Variants in ATP6V1H observed in about 807,000 individuals in gnomAD.
ATP6V1H encodes V-type proton ATPase subunit H.
ATP6V1H carries 39 observed loss-of-function variants against 71.7 expected under a neutral mutation model. The observed-to-expected ratio is 0.54, with a 90% CI of 0.42 to 0.71. ATP6V1H has a LOEUF of 0.71. ATP6V1H is among the 30% of genes least tolerant of loss of function. ATP6V1H has a pLI of 0.00. For synonymous variants in ATP6V1H, 192 were observed against 199.3 expected (o/e 0.96, Z 0.31); for missense variants, 509 against 594.9 (o/e 0.86, Z 1.50).
chr8:53,718,582 GT>G (rs1208288727), intron 13 of ATP6V1H, among the ~76,000 whole-genome samples: 1 of 151,992 alleles, frequency 6.6e-6, no homozygotes, highest in African/African-American at 2.4e-5. Flanking sequence ...TACAGACAGG[GT>G]TTCGTCATGT....
At position 53,727,487 on chromosome 8, in the gene ATP6V1H, A is replaced by G. The variant is rs549502648; in HGVS notation, c.1392-11463T>C. ...CCCATTCCATGTTTTGTCAGAGTCCATGGCAGCAGGTGGTTCTCAGCCTTT... is the reference window on the plus strand; with the variant it reads ...CCCATTCCATGTTTTGTCAGAGTCCGTGGCAGCAGGTGGTTCTCAGCCTTT... On this transcript the variant is annotated intron_variant, in intron 13 of 13. Transcript: ENST00000359530. 1.3e-4 allele frequency among the ~76,000 whole-genome samples: 20 copies of G among 152,290 alleles called. No individual in the cohort carries two copies. The East Asian group carries it at 3.9e-3, about 29-fold the overall frequency.
In ATP6V1H at chr8:53,833,048, T is replaced by C. The variant is rs762189829; in HGVS notation, c.152A>G (p.Gln51Arg). The C allele has an allele frequency of 1.7e-5, 28 of 1,613,800 alleles. No individual in the cohort carries two copies. The highest frequency in any genetic ancestry group is 2.3e-5 in the Non-Finnish European group (27 of 1,179,854). Residue 51 changes from glutamine to arginine, a missense_variant, in exon 3 of 14, where the codon CAG becomes CGG. By Grantham distance (43) the Gln-to-Arg change is conservative (BLOSUM62 1). Coordinates refer to ENST00000359530, the MANE Select transcript of ATP6V1H (RefSeq NM_015941.4). ...AGGGCTTCGTTTCATTTCAAACCTC[T>C]GAATAAACTCACAATCTTCAGCAGA... Reference protein sequence around the residue: ...MISAEDCEFIQRFEMKRSPEE... With the variant: ...MISAEDCEFIRRFEMKRSPEE...
At chr8:53,817,789 C>G (rs1401487705) in intron 4 of ATP6V1H, among the ~76,000 whole-genome samples, 1 of 152,038 alleles carries the variant, frequency 6.6e-6, no homozygotes, top group Non-Finnish European at 1.5e-5. Context: ...CACTTCTCGG[C>G]CTGCACCTCT....
chr8:53,739,285 T>G (rs2130167573), intron 13 of ATP6V1H, among the ~76,000 whole-genome samples: 1 of 152,360 alleles, frequency 6.6e-6, no homozygotes, highest in East Asian at 1.9e-4. Context: ...AGGTTTTTTT[T>G]TCTTTAGTTC....
At position 53,773,022 on chromosome 8, in the gene ATP6V1H, A is replaced by C. The variant is rs576416650; in HGVS notation, c.871-855T>G. The stretch of plus-strand genomic sequence containing the variant: ...TAATAATAAGGCTGAACAAATGCAA[A>C]AAGTGATTTAGCTTAGTATGTGGAA... On this transcript the variant is annotated intron_variant, in intron 9 of 13. Coordinates refer to ENST00000359530, the MANE Select transcript of ATP6V1H (RefSeq NM_015941.4). Among the ~76,000 whole-genome samples the C allele has an allele frequency of 3.3e-5, 5 of 152,268 alleles. No homozygotes were observed. In the South Asian group the frequency reaches 1.0e-3, roughly 32 times the overall value.
intron 9 of ATP6V1H, among the ~76,000 whole-genome samples, chr8:53,790,870 C>T (rs1809543900): frequency 1.3e-5 from 2 of 152,074 alleles, no homozygotes; most frequent in Admixed American, 1.3e-4. Context: ...AAGGGGGCTC[C>T]GTATGTGGGA....
chr8:53,795,006 C>T lies in ATP6V1H; in HGVS notation c.870+641G>A, dbSNP rs146106142. Among the ~76,000 whole-genome samples the T allele has an allele frequency of 2.2e-3, 337 of 152,120 alleles. 1 individual carries two copies. The highest frequency in any genetic ancestry group is 7.9e-3 in the African/African-American group (326 of 41,510). ...TTCAACCAAGCCATCCCATAGAAGC[C>T]CATCTAAAGTGACCAACAAAATTAT... is the stretch of plus-strand genomic sequence containing the variant. On this transcript the variant is annotated intron_variant, in intron 9 of 13. Transcript: ENST00000359530.
At chr8:53,812,895 A>G (rs1177227709) in intron 6 of ATP6V1H, among the ~76,000 whole-genome samples, 2 of 152,044 alleles carry the variant, frequency 1.3e-5, no homozygotes, top group Non-Finnish European at 2.9e-5. Context: ...GGGTTTTGCT[A>G]TGTTGCCCAG....
At chr8:53,795,548 CAAG>C (rs1227609653) in intron 9 of ATP6V1H, 96 bp downstream of exon 9, 3 of 1,059,710 alleles carry the variant, frequency 2.8e-6, no homozygotes, top group East Asian at 2.4e-5. Context: ...TTCATAACCA[CAAG>C]AAGAACAAGT....
chr8:53,768,171 C>T (rs543517953), intron 11 of ATP6V1H, among the ~76,000 whole-genome samples: 5 of 152,062 alleles, frequency 3.3e-5, no homozygotes, highest in Non-Finnish European at 7.4e-5. Context: ...GGCCAATAAG[C>T]ACATGAAAAG....
At chr8:53,729,663 G>C (rs1334234335) in intron 13 of ATP6V1H, among the ~76,000 whole-genome samples, 2 of 152,202 alleles carry the variant, frequency 1.3e-5, no homozygotes, top group Non-Finnish European at 2.9e-5. Flanking sequence ...CCTATCTGGG[G>C]ATATTACATT....
At chr8:53,757,799 T>C (rs1808127765) in intron 11 of ATP6V1H, among the ~76,000 whole-genome samples, 1 of 152,224 alleles carries the variant, frequency 6.6e-6, no homozygotes, top group South Asian at 2.1e-4. Flanking sequence ...CCTACTCCAC[T>C]GTTCTTCATA....
At chr8:53,822,448 T>C (rs1021290930) in intron 4 of ATP6V1H, among the ~76,000 whole-genome samples, 1 of 152,084 alleles carries the variant, frequency 6.6e-6, no homozygotes, top group African/African-American at 2.4e-5. Flanking sequence ...AAAAAAATAC[T>C]ATTAAAAATG....
At chr8:53,736,440 G>A (rs925847792) in intron 13 of ATP6V1H, among the ~76,000 whole-genome samples, 8 of 152,050 alleles carry the variant, frequency 5.3e-5, no homozygotes, top group Non-Finnish European at 7.4e-5. Flanking sequence ...TTCTTTCCCC[G>A]AACAGACGCC....
chr8:53,776,074 C>T (rs1289705652), intron 9 of ATP6V1H, among the ~76,000 whole-genome samples: 2 of 152,222 alleles, frequency 1.3e-5, no homozygotes, highest in Admixed American at 6.5e-5. Flanking sequence ...GGCAAGAAAT[C>T]GAGCGCAGCG....
intron 10 of ATP6V1H, 91 bp downstream of exon 10, chr8:53,771,898 G>A (rs1197424820): frequency 1.7e-6 from 2 of 1,155,312 alleles, no homozygotes; most frequent in Admixed American, 2.1e-5. Flanking sequence ...ATTTGTATAG[G>A]TGACAACAAA....
At chr8:53,787,075 GCTGA>G (rs1317159165) in intron 9 of ATP6V1H, among the ~76,000 whole-genome samples, 2 of 152,160 alleles carry the variant, frequency 1.3e-5, no homozygotes, top group African/African-American at 4.8e-5. Flanking sequence ...GTTTCTAAAT[GCTGA>G]CTTTCACTTT....
At chr8:53,831,413 A>C (rs1284406040) in intron 3 of ATP6V1H, among the ~76,000 whole-genome samples, 3 of 152,262 alleles carry the variant, frequency 2.0e-5, no homozygotes, top group Admixed American at 1.3e-4. Flanking sequence ...ATGGTAGTAT[A>C]ATCTTACAAG....
At chr8:53,744,981 C>T (rs1807548835) in intron 12 of ATP6V1H, among the ~76,000 whole-genome samples, 1 of 152,112 alleles carries the variant, frequency 6.6e-6, no homozygotes, top group Non-Finnish European at 1.5e-5. Flanking sequence ...AGCTGTGCAG[C>T]GATGATGATA....
Sources: gnomAD v4.1 joint callset for allele counts (sites outside exome capture counted in the v4.1 genomes callset) on GRCh38, gnomAD v4.1.1 for gene constraint, MANE v1.5 for transcripts, NCBI Gene and HGNC (gene_info 2026-07-23, HGNC 2026-07-21) for gene names.